LRMDA: variants seen among roughly 807,000 people sequenced by gnomAD.
LRMDA encodes leucine rich melanocyte differentiation associated.
LRMDA carries 18 observed loss-of-function variants against 29.8 expected under a neutral mutation model. The ratio of observed to expected loss-of-function variants is 0.60; its 90% CI spans 0.42 to 0.90. The LOEUF is 0.90. LRMDA is among the 40% of genes least tolerant of loss of function. The pLI, the probability that LRMDA is intolerant of heterozygous loss-of-function variation, is 0.00. For synonymous variants in LRMDA, 125 were observed against 109.4 expected (o/e 1.14, Z -0.89); for missense variants, 273 against 273.9 (o/e 1.00, Z 0.02).
chr10:76,429,830 T>C (rs1178633795), intron 6 of LRMDA, among the ~76,000 whole-genome samples: 1 of 152,172 alleles, frequency 6.6e-6, no homozygotes, highest in East Asian at 1.9e-4. Context: ...GGTTTCCAAA[T>C]GCAGAAAAGG....
intron 2 of LRMDA, among the ~76,000 whole-genome samples, chr10:75,809,337 G>A (rs1392561551): frequency 6.6e-6 from 1 of 152,088 alleles, no homozygotes; most frequent in Non-Finnish European, 1.5e-5. Context: ...GGTGAGGATG[G>A]AGTGGTCATC....
intron 2 of LRMDA, among the ~76,000 whole-genome samples, chr10:75,720,198 T>G (rs557991955): frequency 6.6e-6 from 1 of 152,198 alleles, no homozygotes; most frequent in South Asian, 2.1e-4. Flanking sequence ...ACATCAAATC[T>G]TAGTAAAATA....
At chr10:76,027,530 A>G (rs1405123309) in intron 2 of LRMDA, among the ~76,000 whole-genome samples, 1 of 152,250 alleles carries the variant, frequency 6.6e-6, no homozygotes, top group Non-Finnish European at 1.5e-5. Flanking sequence ...ATACACACAC[A>G]CACATAAATA....
intron 2 of LRMDA, among the ~76,000 whole-genome samples, chr10:75,502,436 T>G (rs1845122887): frequency 6.6e-6 from 1 of 152,164 alleles, no homozygotes; most frequent in South Asian, 2.1e-4. Context: ...ATTTTTTTTT[T>G]TTATTGATCT....
intron 5 of LRMDA, among the ~76,000 whole-genome samples, chr10:76,252,238 TG>T (rs1006826940): frequency 6.6e-6 from 1 of 152,186 alleles, no homozygotes; most frequent in Non-Finnish European, 1.5e-5. Context: ...GAGACTGGCC[TG>T]GAGCCTAGTT....
At chr10:75,709,124 C>G (rs1302148722) in intron 2 of LRMDA, among the ~76,000 whole-genome samples, 1 of 152,116 alleles carries the variant, frequency 6.6e-6, no homozygotes, top group Admixed American at 6.5e-5. Context: ...CATGATCTTA[C>G]TTTTAACTGA....
intron 2 of LRMDA, among the ~76,000 whole-genome samples, chr10:75,940,207 A>G (rs930682218): frequency 2.0e-5 from 3 of 152,168 alleles, no homozygotes; most frequent in Non-Finnish European, 4.4e-5. Context: ...AAATAGGGGC[A>G]ATTTCTGATG....
intron 2 of LRMDA, 81 bp downstream of exon 2, chr10:75,438,575 C>A: frequency 1.9e-6 from 2 of 1,046,930 alleles, no homozygotes; most frequent in East Asian, 2.6e-5. Flanking sequence ...AGATAAAAGT[C>A]AAATGTTCCA....
intron 5 of LRMDA, among the ~76,000 whole-genome samples, chr10:76,147,420 T>A (rs1007292464): frequency 6.6e-6 from 1 of 152,194 alleles, no homozygotes; most frequent in Non-Finnish European, 1.5e-5. Context: ...CTCTTCTCGC[T>A]TCATTTCATT....
At chr10:75,763,312 GAT>G (rs1260812929) in intron 2 of LRMDA, among the ~76,000 whole-genome samples, 1 of 151,996 alleles carries the variant, frequency 6.6e-6, no homozygotes, top group Admixed American at 6.5e-5. Context: ...TGTAGGTAAA[GAT>G]AGAACTACAG....
intron 6 of LRMDA, among the ~76,000 whole-genome samples, chr10:76,462,415 C>G (rs1009070363): frequency 5.9e-5 from 9 of 152,094 alleles, no homozygotes; most frequent in African/African-American, 1.7e-4. Flanking sequence ...GTAAAAGAAT[C>G]CCCATAGAAA....
chr10:76,178,138 C>G (rs1461416228), intron 5 of LRMDA, among the ~76,000 whole-genome samples: 1 of 152,206 alleles, frequency 6.6e-6, no homozygotes, highest in Non-Finnish European at 1.5e-5. Flanking sequence ...AATAGTATTA[C>G]AAAGCCAGTG....
intron 2 of LRMDA, among the ~76,000 whole-genome samples, chr10:75,975,285 A>G (rs1847050570): frequency 6.6e-6 from 1 of 152,166 alleles, no homozygotes; most frequent in Non-Finnish European, 1.5e-5. Context: ...CTCTACACTG[A>G]TGGTTGTTTC....
intron 2 of LRMDA, among the ~76,000 whole-genome samples, chr10:75,971,313 A>C (rs1404260922): frequency 6.6e-6 from 1 of 152,156 alleles, no homozygotes. Context: ...CTCTCGCAGC[A>C]GGAAAACAGG....
At chr10:75,487,714 C>A (rs1277805177) in intron 2 of LRMDA, among the ~76,000 whole-genome samples, 1 of 152,206 alleles carries the variant, frequency 6.6e-6, no homozygotes, top group African/African-American at 2.4e-5. Context: ...TCTCCACAAG[C>A]CAGTGCTGTC....
intron 2 of LRMDA, among the ~76,000 whole-genome samples, chr10:75,581,912 A>C (rs1341341956): frequency 6.6e-6 from 1 of 152,160 alleles, no homozygotes; most frequent in South Asian, 2.1e-4. Flanking sequence ...CTGTACATGT[A>C]CCCCAGAAAT....
intron 2 of LRMDA, among the ~76,000 whole-genome samples, chr10:75,881,335 A>AATAGGG (rs1845289653): frequency 6.6e-6 from 1 of 152,146 alleles, no homozygotes; most frequent in Admixed American, 6.5e-5. Context: ...GTAAAGTCAC[A>AATAGGG]ATAGGGATAA....
chr10:75,994,388 A>G (rs1323730199), intron 2 of LRMDA, among the ~76,000 whole-genome samples: 1 of 152,190 alleles, frequency 6.6e-6, no homozygotes, highest in African/African-American at 2.4e-5. Context: ...GCACCCTAGG[A>G]TTGTACAGTG....
chr10:75,486,512 C>G (rs1402052676), intron 2 of LRMDA, among the ~76,000 whole-genome samples: 3 of 152,106 alleles, frequency 2.0e-5, no homozygotes, highest in Non-Finnish European at 4.4e-5. Flanking sequence ...CCACAAAATG[C>G]TGGTAGTGCA....
Sources: gnomAD v4.1 joint callset for allele counts (sites outside exome capture counted in the v4.1 genomes callset) on GRCh38, gnomAD v4.1.1 for gene constraint, MANE v1.5 for transcripts, NCBI Gene and HGNC (gene_info 2026-07-23, HGNC 2026-07-21) for gene names.